PAPPA2: variants seen among roughly 807,000 people sequenced by gnomAD.
PAPPA2 encodes the protein pappalysin 2.
A neutral mutation model predicts 176.4 loss-of-function variants in PAPPA2; 86 were observed. The observed-to-expected ratio is 0.49, with a 90% CI of 0.41 to 0.58. The LOEUF (loss-of-function observed/expected upper bound fraction) is 0.58, where lower values mean the gene tolerates loss of function less well. Ranked by LOEUF, PAPPA2 falls within the 20% of genes least tolerant of loss-of-function variation. The probability of loss-of-function intolerance (pLI) is 0.00; values close to 1 mark genes in which losing one functional copy is unlikely to be tolerated. For missense variants in PAPPA2, 2,073 were observed against 2,256.9 expected, an observed-to-expected ratio of 0.92 and a Z score of 1.65; for synonymous variants, 809 against 852.2, an observed-to-expected ratio of 0.95 and a Z score of 0.88.
intron 1 of PAPPA2, among the ~76,000 whole-genome samples, chr1:176,534,461 GC>G (rs1286225336): frequency 6.6e-6 from 1 of 152,236 alleles, no homozygotes; most frequent in African/African-American, 2.4e-5. Context: ...AATTCTGGCT[GC>G]CTAGAACAGG....
intron 3 of PAPPA2, among the ~76,000 whole-genome samples, chr1:176,644,575 A>G (rs1558493426): frequency 6.6e-6 from 1 of 151,810 alleles, no homozygotes; most frequent in South Asian, 2.1e-4. Flanking sequence ...CATGTAGTCT[A>G]TCATTAGAGG....
chr1:176,637,318 A>T (rs1409123231), intron 3 of PAPPA2, among the ~76,000 whole-genome samples: 1 of 152,146 alleles, frequency 6.6e-6, no homozygotes, highest in Non-Finnish European at 1.5e-5. Flanking sequence ...GACTGGCATG[A>T]CCAGCATTTA....
At chr1:176,562,730 G>A (rs745767218) in intron 2 of PAPPA2, among the ~76,000 whole-genome samples, 1 of 152,232 alleles carries the variant, frequency 6.6e-6, no homozygotes. Context: ...CGAGTTGCAC[G>A]AGTTGACTTG....
intron 1 of PAPPA2, among the ~76,000 whole-genome samples, chr1:176,541,823 A>G (rs935117623): frequency 6.6e-6 from 1 of 152,220 alleles, no homozygotes; most frequent in Non-Finnish European, 1.5e-5. Context: ...GGGAAGTCAC[A>G]CCATTGATGC....
intron 3 of PAPPA2, among the ~76,000 whole-genome samples, chr1:176,663,828 G>C (rs1658478557): frequency 6.6e-6 from 1 of 151,768 alleles, no homozygotes; most frequent in Non-Finnish European, 1.5e-5. Flanking sequence ...GTTCTCCTGG[G>C]GACCTCTCCC....
intron 3 of PAPPA2, among the ~76,000 whole-genome samples, chr1:176,663,025 G>C (rs117427684): frequency 9.0e-4 from 137 of 152,258 alleles, no homozygotes; most frequent in Admixed American, 1.6e-3. Context: ...TTTATTGAAG[G>C]TGCTGTTGCT....
intron 1 of PAPPA2, among the ~76,000 whole-genome samples, chr1:176,535,310 G>C (rs1245679882): frequency 2.0e-5 from 3 of 152,066 alleles, no homozygotes; most frequent in African/African-American, 7.2e-5. Flanking sequence ...AAGAGAGAGG[G>C]AACCCAGATT....
At chr1:176,693,217 G>T (rs147954670) in intron 6 of PAPPA2, among the ~76,000 whole-genome samples, 33 of 152,256 alleles carry the variant, frequency 2.2e-4, no homozygotes, top group Middle Eastern at 3.4e-3. Context: ...TGATCTATTT[G>T]TGGCACTATA....
chr1:176,724,953 A>C (rs1270270906), intron 12 of PAPPA2, among the ~76,000 whole-genome samples: 1 of 152,184 alleles, frequency 6.6e-6, no homozygotes, highest in Non-Finnish European at 1.5e-5. Flanking sequence ...TTAAAATTGA[A>C]ATCCAGTTTA....
intron 3 of PAPPA2, among the ~76,000 whole-genome samples, chr1:176,650,596 C>G (rs186145245): frequency 6.6e-6 from 1 of 151,544 alleles, no homozygotes; most frequent in East Asian, 2.0e-4. Flanking sequence ...GTGTGATGTT[C>G]CCCATCATGT....
intron 1 of PAPPA2, among the ~76,000 whole-genome samples, chr1:176,494,482 T>A (rs1199131695): frequency 6.6e-6 from 1 of 152,182 alleles, no homozygotes; most frequent in Non-Finnish European, 1.5e-5. Context: ...TTCCTGACCC[T>A]TGGGGATTAC....
chr1:176,594,938 C>T lies in PAPPA2; in HGVS notation c.1334C>T (p.Ser445Leu), dbSNP rs752162135. The T allele has an allele frequency of 2.5e-6, 4 of 1,614,226 alleles. No homozygotes were observed. Among genetic ancestry groups the T allele is most frequent in the South Asian group, 2.2e-5 (2 of 91,078 alleles). Residue 445 changes from serine to leucine, a missense_variant, in exon 3 of 23, where the codon TCA becomes TTA. Coordinates refer to ENST00000367662, the MANE Select transcript of PAPPA2 (RefSeq NM_020318.3). ...QSHFQHSSQHSSGEEEATDLV... is the reference protein window; with the variant it reads ...QSHFQHSSQHLSGEEEATDLV... ...CATTTTCAGCACAGTTCTCAGCATT[C>T]AAGTGGGGAGGAGGAAGCGACTGAC...
chr1:176,834,864 G>A lies in PAPPA2; in HGVS notation c.5203-5309G>A, dbSNP rs117597796. On this transcript the variant is annotated intron_variant, in intron 21 of 22. Coordinates refer to ENST00000367662, the MANE Select transcript of PAPPA2 (RefSeq NM_020318.3). Reference sequence around the variant, plus strand: ...CTCAATGTTGTAATCCCAGCTGCTCGGGAGGTTGAAGCAGGAGAATCGCTT... The same window carrying A: ...CTCAATGTTGTAATCCCAGCTGCTCAGGAGGTTGAAGCAGGAGAATCGCTT... Among the ~76,000 whole-genome samples the A allele has an allele frequency of 1.7e-3, 265 of 152,266 alleles. 6 individuals are homozygous for A. The East Asian group carries it at 0.043, about 24-fold the overall frequency.
intron 15 of PAPPA2, among the ~76,000 whole-genome samples, chr1:176,766,866 A>T (rs1202436246): frequency 6.6e-6 from 1 of 152,168 alleles, no homozygotes; most frequent in Non-Finnish European, 1.5e-5. Context: ...GAAAGAGTGG[A>T]CATACAACTG....
intron 12 of PAPPA2, among the ~76,000 whole-genome samples, chr1:176,722,126 A>G (rs1250697503): frequency 5.3e-5 from 8 of 152,156 alleles, no homozygotes; most frequent in Non-Finnish European, 7.4e-5. Context: ...CTTACAGTCT[A>G]TTTAAAAACA....
Position 176,690,267 on chromosome 1 carries a change from C to T in PAPPA2, c.2268C>T (p.Asp756=), listed in dbSNP as rs371272791. The T allele has an allele frequency of 3.2e-5, 52 of 1,613,978 alleles. No individual in the cohort carries two copies. In the African/African-American group the frequency reaches 4.4e-4, roughly 14 times the overall value. The part of the protein sequence containing the change: ...KGVSERESCN[D]PCKETVPSME... ...TCAGTGAAAGAGAATCCTGCAATGA[C>T]CCCTGCAAGGAGACAGTGCCATCCA... is the stretch of plus-strand genomic sequence containing the variant. The change falls in exon 5 of 23, where the codon GAC becomes GAT. Residue 756 remains aspartate, a synonymous_variant. Coordinates refer to ENST00000367662, the MANE Select transcript of PAPPA2 (RefSeq NM_020318.3).
chr1:176,720,743 G>A (rs937915543), intron 12 of PAPPA2, among the ~76,000 whole-genome samples: 1 of 152,148 alleles, frequency 6.6e-6, no homozygotes. Flanking sequence ...CTCGGCAAGC[G>A]GGAGACCTGG....
intron 1 of PAPPA2, among the ~76,000 whole-genome samples, chr1:176,487,107 A>G (rs901569437): frequency 2.0e-5 from 3 of 152,250 alleles, no homozygotes; most frequent in Non-Finnish European, 4.4e-5. Flanking sequence ...AGATAATTTG[A>G]CATCAACTAT....
intron 21 of PAPPA2, among the ~76,000 whole-genome samples, chr1:176,823,328 C>G (rs779145003): frequency 6.6e-6 from 1 of 152,128 alleles, no homozygotes; most frequent in Non-Finnish European, 1.5e-5. Flanking sequence ...TTAGTCTGCT[C>G]AGTGAAGCTG....
Sources: gnomAD v4.1 joint callset for allele counts (sites outside exome capture counted in the v4.1 genomes callset) on GRCh38, gnomAD v4.1.1 for gene constraint, MANE v1.5 for transcripts, NCBI Gene and HGNC (gene_info 2026-07-23, HGNC 2026-07-21) for gene names.